Variants in NEGR1 observed in about 807,000 individuals in gnomAD.
NEGR1 encodes the protein IgLON family member 4.
In NEGR1, 10 loss-of-function variants were observed where a neutral mutation model predicts 40.9. That is an observed-to-expected ratio of 0.24 (90% confidence interval 0.15 to 0.42). NEGR1 has a LOEUF of 0.42. Ranked by LOEUF, NEGR1 falls within the 10% of genes least tolerant of loss-of-function variation. NEGR1 has a pLI of 1.00. For synonymous variants in NEGR1, 185 were observed against 166.8 expected (o/e 1.11, Z -0.84); for missense variants, 352 against 438.9 (o/e 0.80, Z 1.77).
intron 2 of NEGR1, among the ~76,000 whole-genome samples, chr1:71,919,303 C>T (rs796206097): frequency 1.3e-4 from 20 of 152,198 alleles, no homozygotes; most frequent in African/African-American, 4.8e-4. Flanking sequence ...ACCAATATAC[C>T]AAGGCTCGTT....
At chr1:71,928,003 A>AAAAT (rs1338435575) in intron 2 of NEGR1, among the ~76,000 whole-genome samples, 6 of 128,386 alleles carry the variant, frequency 4.7e-5, no homozygotes, top group South Asian at 2.8e-4. Context: ...GTCTCAGGAA[A>AAAAT]AAATAAATAA....
At chr1:72,185,626 CT>C (rs1326221977) in intron 1 of NEGR1, among the ~76,000 whole-genome samples, 1 of 151,868 alleles carries the variant, frequency 6.6e-6, no homozygotes, top group Admixed American at 6.6e-5. Context: ...ATTATATTTA[CT>C]ACTTGAGGTC....
At chr1:71,466,157 A>C (rs1646744436) in intron 6 of NEGR1, among the ~76,000 whole-genome samples, 1 of 152,054 alleles carries the variant, frequency 6.6e-6, no homozygotes, top group Non-Finnish European at 1.5e-5. Context: ...GAAATATGAT[A>C]ATTTGTGTGA....
chr1:72,011,712 C>T (rs560449763), intron 1 of NEGR1, among the ~76,000 whole-genome samples: 2 of 152,230 alleles, frequency 1.3e-5, no homozygotes, highest in East Asian at 3.9e-4. Context: ...GTGAATGACA[C>T]TAAGTTCAGC....
chr1:72,200,237 T>C (rs1000140827), intron 1 of NEGR1, among the ~76,000 whole-genome samples: 6 of 151,972 alleles, frequency 3.9e-5, no homozygotes, highest in African/African-American at 1.4e-4. Flanking sequence ...CACAGTGCTA[T>C]TCACAATATC....
chr1:72,241,600 T>C (rs1464912407), intron 1 of NEGR1, among the ~76,000 whole-genome samples: 2 of 151,706 alleles, frequency 1.3e-5, no homozygotes, highest in African/African-American at 4.8e-5. Flanking sequence ...GGCTAGAGTC[T>C]GCCTAGGTGT....
chr1:72,116,386 T>C (rs1649580918), intron 1 of NEGR1, among the ~76,000 whole-genome samples: 1 of 151,758 alleles, frequency 6.6e-6, no homozygotes, highest in African/African-American at 2.4e-5. Flanking sequence ...AGAATTGCTT[T>C]GTGAAGCAGA....
intron 4 of NEGR1, among the ~76,000 whole-genome samples, chr1:71,667,010 A>G (rs527557591): frequency 6.6e-6 from 1 of 152,328 alleles, no homozygotes; most frequent in East Asian, 1.9e-4. Context: ...CTACTATTAT[A>G]GTATACATTT....
At chr1:71,407,619 A>G (rs767464387) in intron 6 of NEGR1, 49 bp from the exon 7 acceptor site, 2 of 1,594,620 alleles carry the variant, frequency 1.3e-6, no homozygotes, top group Non-Finnish European at 1.7e-6. Context: ...TGTGTCTTCC[A>G]GGATCTTGAC....
intron 1 of NEGR1, among the ~76,000 whole-genome samples, chr1:72,115,572 A>C (rs1165226029): frequency 6.6e-6 from 1 of 151,756 alleles, no homozygotes; most frequent in Non-Finnish European, 1.5e-5. Flanking sequence ...CAGAACAGAC[A>C]TGAGTACTTT....
intron 1 of NEGR1, among the ~76,000 whole-genome samples, chr1:72,170,025 T>C (rs919238171): frequency 6.6e-6 from 1 of 152,170 alleles, no homozygotes; most frequent in East Asian, 1.9e-4. Context: ...CTCAGTACTA[T>C]ATATTATTTC....
At chr1:71,805,010 ATGGCTGCTTTGGGGG>A (rs1657703456) in intron 2 of NEGR1, among the ~76,000 whole-genome samples, 1 of 152,122 alleles carries the variant, frequency 6.6e-6, no homozygotes, top group Non-Finnish European at 1.5e-5. Flanking sequence ...GGCCTCTAAA[ATGGCTGCTTTGGGGG>A]TGGCTGTCTT....
At chr1:72,011,655 A>G (rs1272364205) in intron 1 of NEGR1, among the ~76,000 whole-genome samples, 1 of 152,182 alleles carries the variant, frequency 6.6e-6, no homozygotes, top group Non-Finnish European at 1.5e-5. Context: ...AGAATGCAGC[A>G]TGTTCACTTC....
At chr1:71,912,161 G>A (rs186872454) in intron 2 of NEGR1, among the ~76,000 whole-genome samples, 6 of 152,114 alleles carry the variant, frequency 3.9e-5, no homozygotes, top group Non-Finnish European at 7.4e-5. Context: ...CCTACAGGGC[G>A]AAGACCAAGG....
At chr1:72,197,854 C>A (rs145077160) in intron 1 of NEGR1, among the ~76,000 whole-genome samples, 13 of 152,144 alleles carry the variant, frequency 8.5e-5, no homozygotes, top group Non-Finnish European at 1.6e-4. Context: ...ATAAGACTTT[C>A]ATTAGCCCTG....
At chr1:72,176,491 G>T (rs1023804431) in intron 1 of NEGR1, among the ~76,000 whole-genome samples, 1 of 151,998 alleles carries the variant, frequency 6.6e-6, no homozygotes, top group African/African-American at 2.4e-5. Flanking sequence ...ACATTATTAT[G>T]AGGGTCCAGA....
At chr1:72,274,423 A>G (rs1461244133) in intron 1 of NEGR1, 1 of 502,760 alleles carries the variant, frequency 2.0e-6, no homozygotes, top group Non-Finnish European at 3.6e-6. Context: ...GAACCTCAAG[A>G]GGACAGATGG....
At chr1:71,571,587 C>T (rs1456377182) in intron 6 of NEGR1, among the ~76,000 whole-genome samples, 1 of 152,030 alleles carries the variant, frequency 6.6e-6, no homozygotes, top group Non-Finnish European at 1.5e-5. Context: ...CTCAGGAGTT[C>T]AAGACCAGCC....
chr1:72,086,773 ATATT>A (rs1417850776), intron 1 of NEGR1, among the ~76,000 whole-genome samples: 1 of 152,192 alleles, frequency 6.6e-6, no homozygotes, highest in Non-Finnish European at 1.5e-5. Flanking sequence ...AGGTCGTGTT[ATATT>A]TATTATGATA....
Sources: allele counts gnomAD v4.1 joint callset (sites outside exome capture counted in the v4.1 genomes callset), GRCh38; gene constraint gnomAD v4.1.1; transcripts MANE v1.5; gene names NCBI Gene and HGNC (gene_info 2026-07-23, HGNC 2026-07-21).